The following CTNNA3 variants were observed in gnomAD, a reference collection of about 807,000 sequenced individuals.
The protein encoded by CTNNA3 is catenin alpha-3.
In CTNNA3, 76 loss-of-function variants were observed where a neutral mutation model predicts 95.7. That is an observed-to-expected ratio of 0.79 (90% CI 0.66 to 0.96). The LOEUF (loss-of-function observed/expected upper bound fraction) is 0.96. Ranked by LOEUF, CTNNA3 falls within the 40% of genes least tolerant of loss-of-function variation. The probability of loss-of-function intolerance (pLI) is 0.00; values close to 1 mark genes in which losing one functional copy is unlikely to be tolerated. For missense variants in CTNNA3, 1,191 were observed against 1,089.8 expected, an observed-to-expected ratio of 1.09 and a Z score of -1.31; for synonymous variants, 431 against 374.4, an observed-to-expected ratio of 1.15 and a Z score of -1.74.
chr10:67,091,174 T>A (rs1227269081), intron 7 of CTNNA3, among the ~76,000 whole-genome samples: 1 of 151,800 alleles, frequency 6.6e-6, no homozygotes, highest in Non-Finnish European at 1.5e-5. Context: ...AAATTGCGCA[T>A]ACCTTAGCAA....
At chr10:66,725,744 A>T (rs1036096750) in intron 9 of CTNNA3, among the ~76,000 whole-genome samples, 5 of 152,082 alleles carry the variant, frequency 3.3e-5, no homozygotes, top group African/African-American at 4.8e-5. Flanking sequence ...TTTTGGATGC[A>T]TGAAGCAATG....
intron 14 of CTNNA3, among the ~76,000 whole-genome samples, chr10:66,091,049 T>C (rs1266486076): frequency 6.6e-6 from 1 of 151,986 alleles, no homozygotes; most frequent in Admixed American, 6.6e-5. Flanking sequence ...TTGTCTTTAG[T>C]AGGAAAAGAT....
At chr10:66,517,065 C>G (rs549827486) in intron 11 of CTNNA3, among the ~76,000 whole-genome samples, 1 of 151,634 alleles carries the variant, frequency 6.6e-6, no homozygotes, top group South Asian at 2.1e-4. Context: ...TACTAAAAAT[C>G]AAAAAAATTA....
intron 12 of CTNNA3, among the ~76,000 whole-genome samples, chr10:66,346,236 TATATATATATAGAGAGAGAGAG>T (rs1426759825): frequency 0.15 from 3,648 of 24,214 alleles, 41 homozygotes; most frequent in Admixed American, 0.25. Flanking sequence ...TATATATATA[TATATATATATAGAGAGAGAGAG>T]AGAGAGAGAG....
At chr10:66,308,970 A>C (rs2091967841) in intron 12 of CTNNA3, among the ~76,000 whole-genome samples, 1 of 152,176 alleles carries the variant, frequency 6.6e-6, no homozygotes, top group South Asian at 2.1e-4. Flanking sequence ...AAGTTAACTC[A>C]AATTGCTTAA....
chr10:66,123,222 A>C (rs4746549), intron 13 of CTNNA3, among the ~76,000 whole-genome samples: 122,223 of 152,066 alleles, frequency 0.8, 49,266 homozygotes, highest in South Asian at 0.92. Flanking sequence ...TAAATACAGC[A>C]ATTCCAAATG....
chr10:66,537,494 T>A (rs1365757114), intron 10 of CTNNA3, among the ~76,000 whole-genome samples: 2 of 151,890 alleles, frequency 1.3e-5, no homozygotes, highest in Non-Finnish European at 2.9e-5. Context: ...CAAGGCAAAC[T>A]TGTATGACCT....
At position 67,727,312 on chromosome 10, in the gene CTNNA3, GAT is replaced by G. The variant is rs1841240820; in HGVS notation, c.-2+36120_-2+36121del. 1.3e-4 allele frequency among the ~76,000 whole-genome samples: 17 copies of G among 129,438 alleles called. No individual in the cohort carries two copies. In the South Asian group the frequency reaches 3.9e-3, roughly 30 times the overall value. The allele number at this position is 129,438 out of a possible 152,430, so 84.9% of individuals were successfully genotyped here. A position where few individuals can be genotyped will look rare whatever the true frequency, so the allele number is the denominator to read the frequency against. ...CTAGAATTTTATATATATTATATAT[GAT>G]ATATTATATATTTATATATTATTGT... On this transcript the variant is annotated intron_variant, in intron 1 of 17. Transcript: ENST00000684154.
intron 12 of CTNNA3, among the ~76,000 whole-genome samples, chr10:66,307,523 C>G (rs2091950713): frequency 6.6e-6 from 1 of 152,106 alleles, no homozygotes; most frequent in African/African-American, 2.4e-5. Context: ...TTTAACACTT[C>G]TAATTATTCA....
chr10:67,627,802 A>C (rs1237260756), intron 2 of CTNNA3, among the ~76,000 whole-genome samples: 1 of 151,846 alleles, frequency 6.6e-6, no homozygotes, highest in African/African-American at 2.4e-5. Flanking sequence ...CTTACTTCCT[A>C]GGTTTTCAGT....
At chr10:67,528,561 A>G (rs1163199052) in intron 4 of CTNNA3, among the ~76,000 whole-genome samples, 1 of 151,924 alleles carries the variant, frequency 6.6e-6, no homozygotes, top group African/African-American at 2.4e-5. Flanking sequence ...TCTCTAGTCA[A>G]CTCTCCAAAC....
chr10:66,273,145 A>C (rs2091318429), intron 13 of CTNNA3, among the ~76,000 whole-genome samples: 1 of 152,142 alleles, frequency 6.6e-6, no homozygotes, highest in South Asian at 2.1e-4. Flanking sequence ...TTTTCACTTA[A>C]AGGAAGCACT....
intron 5 of CTNNA3, among the ~76,000 whole-genome samples, chr10:67,324,966 G>T (rs1215221719): frequency 6.6e-6 from 1 of 152,018 alleles, no homozygotes; most frequent in Non-Finnish European, 1.5e-5. Flanking sequence ...TTCAGTCTTG[G>T]GAGGTTGTAT....
intron 7 of CTNNA3, among the ~76,000 whole-genome samples, chr10:66,831,922 AT>A (rs1842733379): frequency 6.6e-6 from 1 of 152,192 alleles, no homozygotes; most frequent in African/African-American, 2.4e-5. Context: ...AGGCAAGCAG[AT>A]TAAAGAAGAC....
chr10:67,251,028 C>T (rs1406244174), intron 5 of CTNNA3, among the ~76,000 whole-genome samples: 1 of 152,166 alleles, frequency 6.6e-6, no homozygotes, highest in Non-Finnish European at 1.5e-5. Flanking sequence ...AAAACTTGTA[C>T]ATGAATGTTT....
At chr10:66,370,329 A>G (rs572906038) in intron 12 of CTNNA3, among the ~76,000 whole-genome samples, 157 of 152,302 alleles carry the variant, frequency 1.0e-3, no homozygotes, top group Non-Finnish European at 1.9e-3. Context: ...GATACTTGCA[A>G]CAACTGAAGG....
At chr10:67,570,613 GC>G (rs1207701741) in intron 3 of CTNNA3, among the ~76,000 whole-genome samples, 1 of 152,100 alleles carries the variant, frequency 6.6e-6, no homozygotes, top group East Asian at 1.9e-4. Flanking sequence ...GTTCCACCTG[GC>G]TGTTTTGGTA....
At chr10:66,437,237 C>T (rs1482376897) in intron 11 of CTNNA3, among the ~76,000 whole-genome samples, 1 of 152,076 alleles carries the variant, frequency 6.6e-6, no homozygotes, top group Non-Finnish European at 1.5e-5. Flanking sequence ...GTTGGCCTGC[C>T]TTGCTAGGTT....
intron 3 of CTNNA3, among the ~76,000 whole-genome samples, chr10:67,583,675 C>G (rs1450181831): frequency 6.6e-6 from 1 of 152,184 alleles, no homozygotes; most frequent in Non-Finnish European, 1.5e-5. Context: ...GTTCCATTCT[C>G]CCCGTCACTT....
Sources: allele counts gnomAD v4.1 joint callset (sites outside exome capture counted in the v4.1 genomes callset), GRCh38; gene constraint gnomAD v4.1.1; transcripts MANE v1.5; gene names NCBI Gene and HGNC (gene_info 2026-07-23, HGNC 2026-07-21).